Variants in SGMS1 observed in about 807,000 individuals in gnomAD.
SGMS1 encodes the protein sphingomyelin synthase 1.
SGMS1 carries 13 observed loss-of-function variants against 46.2 expected under a neutral mutation model. The ratio of observed to expected loss-of-function variants is 0.28; its 90% confidence interval spans 0.18 to 0.45. The LOEUF (loss-of-function observed/expected upper bound fraction) is 0.45. Ranked by LOEUF, SGMS1 falls within the 20% of genes least tolerant of loss-of-function variation. The probability of loss-of-function intolerance (pLI) is 1.00; values close to 1 mark genes in which losing one functional copy is unlikely to be tolerated. For synonymous variants in SGMS1, 203 were observed against 187.8 expected (o/e 1.08, Z -0.66); for missense variants, 324 against 519.9 (o/e 0.62, Z 3.66).
chr10:50,411,044 G>T (rs1194253491), intron 6 of SGMS1, among the ~76,000 whole-genome samples: 5 of 152,076 alleles, frequency 3.3e-5, no homozygotes, highest in African/African-American at 1.2e-4. Flanking sequence ...TGAGAAGAGG[G>T]AAAGGTATAT....
intron 6 of SGMS1, among the ~76,000 whole-genome samples, chr10:50,359,000 T>C (rs1159891676): frequency 6.6e-6 from 1 of 152,234 alleles, no homozygotes; most frequent in East Asian, 1.9e-4. Flanking sequence ...TGCCTTAACC[T>C]TTAAATTGTC....
chr10:50,464,734 C>G (rs541844608), intron 4 of SGMS1, among the ~76,000 whole-genome samples: 1 of 152,080 alleles, frequency 6.6e-6, no homozygotes, highest in Non-Finnish European at 1.5e-5. Context: ...GCGCCTGGCC[C>G]GTTGATTTTA....
intron 2 of SGMS1, among the ~76,000 whole-genome samples, chr10:50,551,186 A>G (rs1838145743): frequency 6.6e-6 from 1 of 151,994 alleles, no homozygotes; most frequent in East Asian, 1.9e-4. Flanking sequence ...CAAGCTCAAT[A>G]TCAACGTGAG....
intron 3 of SGMS1, among the ~76,000 whole-genome samples, chr10:50,472,297 C>A (rs1441921072): frequency 1.3e-5 from 2 of 152,072 alleles, no homozygotes; most frequent in Non-Finnish European, 2.9e-5. Context: ...TCATTCCTTA[C>A]AGTAGATTTC....
At chr10:50,595,185 T>C (rs947543803) in intron 1 of SGMS1, among the ~76,000 whole-genome samples, 1 of 152,162 alleles carries the variant, frequency 6.6e-6, no homozygotes, top group African/African-American at 2.4e-5. Context: ...GCATTCTTTT[T>C]TTTTTTTTGA....
intron 6 of SGMS1, among the ~76,000 whole-genome samples, chr10:50,403,950 C>T (rs1486894261): frequency 6.6e-6 from 1 of 151,664 alleles, no homozygotes; most frequent in Non-Finnish European, 1.5e-5. Flanking sequence ...ATATTCCTTA[C>T]ACCAAAATAA....
chr10:50,489,861 C>A (rs1242018737), intron 3 of SGMS1, among the ~76,000 whole-genome samples: 1 of 152,154 alleles, frequency 6.6e-6, no homozygotes, highest in African/African-American at 2.4e-5. Flanking sequence ...GTAATCCCAC[C>A]TACTTGGGAG....
chr10:50,564,948 C>G (rs2131847085), intron 2 of SGMS1, among the ~76,000 whole-genome samples: 1 of 152,266 alleles, frequency 6.6e-6, no homozygotes, highest in African/African-American at 2.4e-5. Flanking sequence ...GTCTCTCCAC[C>G]ATTCTCAGCT....
intron 6 of SGMS1, among the ~76,000 whole-genome samples, chr10:50,394,358 A>T (rs1271031862): frequency 1.3e-5 from 2 of 152,242 alleles, no homozygotes; most frequent in East Asian, 3.8e-4. Flanking sequence ...GACAAGAGTC[A>T]GAAGTGGTAA....
At chr10:50,363,282 G>C (rs1001974726) in intron 6 of SGMS1, among the ~76,000 whole-genome samples, 2 of 152,230 alleles carry the variant, frequency 1.3e-5, no homozygotes, top group African/African-American at 2.4e-5. Flanking sequence ...GGAAGCACAT[G>C]AATCAGTGGT....
At chr10:50,579,098 T>C (rs923574818) in intron 2 of SGMS1, among the ~76,000 whole-genome samples, 1 of 151,958 alleles carries the variant, frequency 6.6e-6, no homozygotes, top group Admixed American at 6.6e-5. Flanking sequence ...AGGAAAATGC[T>C]GTCATGAAAT....
intron 2 of SGMS1, among the ~76,000 whole-genome samples, chr10:50,567,240 C>A (rs781389147): frequency 1.1e-4 from 16 of 152,118 alleles, no homozygotes; most frequent in Non-Finnish European, 2.1e-4. Context: ...CCATCGCACC[C>A]GGCCTATACT....
chr10:50,355,772 C>T (rs1848134171), intron 6 of SGMS1, among the ~76,000 whole-genome samples: 1 of 150,910 alleles, frequency 6.6e-6, no homozygotes, highest in South Asian at 2.1e-4. Flanking sequence ...CCCGGCTGCC[C>T]AGTCTGGGAA....
intron 5 of SGMS1, among the ~76,000 whole-genome samples, chr10:50,436,117 T>A (rs1319146115): frequency 6.6e-6 from 1 of 152,212 alleles, no homozygotes. Flanking sequence ...ACCAACTTTT[T>A]TTTTTGAGAC....
chr10:50,566,252 C>T (rs1207804528), intron 2 of SGMS1, among the ~76,000 whole-genome samples: 2 of 151,624 alleles, frequency 1.3e-5, no homozygotes, highest in Non-Finnish European at 2.9e-5. Flanking sequence ...ATTTATACTG[C>T]AAAAGTAAAA....
At chr10:50,599,252 A>G (rs1231219331) in intron 1 of SGMS1, among the ~76,000 whole-genome samples, 1 of 152,238 alleles carries the variant, frequency 6.6e-6, no homozygotes, top group Non-Finnish European at 1.5e-5. Flanking sequence ...GCTCCCATCA[A>G]AAACTTGCAT....
rs917283273 is a variant in SGMS1 at position 50,532,698 on chromosome 10, T to C, written c.-588-12777A>G. Among the ~76,000 whole-genome samples the C allele has an allele frequency of 2.6e-5, 4 of 152,340 alleles. 1 individual carries two copies. The South Asian group carries it at 6.2e-4, about 24-fold the overall frequency. ...AAGCCCTAAAATTGCTAAAAGACTT[T>C]GGTTTATGAGTTGCCTATACAATCC... On this transcript the variant is annotated intron_variant, in intron 2 of 10. Coordinates refer to ENST00000361781, the MANE Select transcript of SGMS1 (RefSeq NM_147156.4).
chr10:50,381,733 G>A (rs1344449903), intron 6 of SGMS1, among the ~76,000 whole-genome samples: 1 of 152,322 alleles, frequency 6.6e-6, no homozygotes, highest in East Asian at 1.9e-4. Context: ...ATCTAGAGAA[G>A]TTGCCCACAG....
chr10:50,436,113 T>A (rs564253868), intron 5 of SGMS1, among the ~76,000 whole-genome samples: 71 of 150,058 alleles, frequency 4.7e-4, no homozygotes, highest in African/African-American at 1.4e-3. Context: ...AACAACCAAC[T>A]TTTTTTTTTG....
Sources: allele counts gnomAD v4.1 joint callset (sites outside exome capture counted in the v4.1 genomes callset), GRCh38; gene constraint gnomAD v4.1.1; transcripts MANE v1.5; gene names NCBI Gene and HGNC (gene_info 2026-07-23, HGNC 2026-07-21).